Variants in PRKN observed in about 807,000 individuals in gnomAD.
PRKN encodes the protein E3 ubiquitin-protein ligase parkin.
PRKN carries 56 observed loss-of-function variants against 59.5 expected under a neutral mutation model. The ratio of observed to expected loss-of-function variants is 0.94; its 90% CI spans 0.76 to 1.18. The LOEUF (loss-of-function observed/expected upper bound fraction) is 1.18. Ranked by LOEUF, PRKN falls within the 50% of genes most tolerant of loss-of-function variation. The probability of loss-of-function intolerance (pLI) is 0.00; values close to 1 mark genes in which losing one functional copy is unlikely to be tolerated. For missense variants in PRKN, 657 were observed against 596.4 expected, an observed-to-expected ratio of 1.10 and a Z score of -1.06; for synonymous variants, 250 against 222.1, an observed-to-expected ratio of 1.13 and a Z score of -1.12.
Position 162,726,346 on chromosome 6 carries a change from G to C in PRKN, c.7+1316C>G, listed in dbSNP as rs886632309. Among the ~76,000 whole-genome samples the C allele has an allele frequency of 3.3e-5, 5 of 152,208 alleles. No homozygotes were observed. The East Asian group carries it at 9.6e-4, about 29-fold the overall frequency. On this transcript the variant is annotated intron_variant, in intron 1 of 11. Coordinates refer to ENST00000366898, the MANE Select transcript of PRKN (RefSeq NM_004562.3). The stretch of plus-strand genomic sequence containing the variant: ...AGATATTGGAAAATCTCTTCTACTT[G>C]GTTTTCTGATTCAGTTCAAACTTGT...
chr6:162,376,859 A>G (rs1185118063), intron 2 of PRKN, among the ~76,000 whole-genome samples: 34 of 49,904 alleles, frequency 6.8e-4, no homozygotes, highest in East Asian at 1.4e-3. Flanking sequence ...GGGGGAGGGG[A>G]AAGGGGGAGG....
At chr6:161,808,398 A>G (rs1791423281) in intron 6 of PRKN, among the ~76,000 whole-genome samples, 1 of 152,222 alleles carries the variant, frequency 6.6e-6, no homozygotes, top group South Asian at 2.1e-4. Flanking sequence ...TAAGTTGCTT[A>G]ACTGAACACT....
intron 1 of PRKN, among the ~76,000 whole-genome samples, chr6:162,668,524 C>T (rs1452717683): frequency 5.9e-5 from 8 of 134,670 alleles, no homozygotes; most frequent in African/African-American, 2.3e-4. Flanking sequence ...AGAGATGAGA[C>T]GATGAGGACA....
At chr6:161,813,921 A>T (rs1190619035) in intron 6 of PRKN, among the ~76,000 whole-genome samples, 1 of 152,232 alleles carries the variant, frequency 6.6e-6, no homozygotes, top group Non-Finnish European at 1.5e-5. Context: ...TCATTAAAGC[A>T]TCTAGAATTA....
intron 6 of PRKN, among the ~76,000 whole-genome samples, chr6:161,825,178 G>A (rs942613592): frequency 6.6e-6 from 1 of 151,960 alleles, no homozygotes; most frequent in Non-Finnish European, 1.5e-5. Context: ...AGAGGCATAT[G>A]ACCAAAAATC....
rs201215166 is a variant in PRKN at position 161,371,550 on chromosome 6, T to TA, written c.1168-11346dup. On this transcript the variant is annotated intron_variant, in intron 10 of 11. Transcript: ENST00000366898. The surrounding 1 kb of genome is among the most constrained non-coding windows in gnomAD (Gnocchi z 5.5). ...CCAAGGGCTCCGGGGAATACAAGGC[T>TA]ACACTGTAAGCAATACAAGGCTACT... Among the ~76,000 whole-genome samples, 48 of 152,240 alleles carry TA rather than the reference T, an allele frequency of 3.2e-4. No homozygotes were observed. The East Asian group carries it at 9.1e-3, about 29-fold the overall frequency.
chr6:161,876,916 TA>T (rs1307934504), intron 6 of PRKN, among the ~76,000 whole-genome samples: 1 of 152,152 alleles, frequency 6.6e-6, no homozygotes, highest in Admixed American at 6.6e-5. Context: ...TCAAGTCTAT[TA>T]AAATTTAATT....
At chr6:161,675,286 T>C (rs565896147) in intron 7 of PRKN, among the ~76,000 whole-genome samples, 3 of 152,250 alleles carry the variant, frequency 2.0e-5, no homozygotes, top group Admixed American at 6.5e-5. Context: ...TGGGCTGCGG[T>C]AGTTGAAGAT....
chr6:161,975,113 G>A (rs995871270), intron 5 of PRKN, among the ~76,000 whole-genome samples: 15 of 136,480 alleles, frequency 1.1e-4, no homozygotes, highest in African/African-American at 3.1e-4. Context: ...TTTTTGAGAC[G>A]GAGTCTCTGC....
At chr6:161,931,904 C>A (rs1779181677) in intron 6 of PRKN, among the ~76,000 whole-genome samples, 1 of 152,130 alleles carries the variant, frequency 6.6e-6, no homozygotes, top group Non-Finnish European at 1.5e-5. Context: ...GATTTAATTT[C>A]TTACCGATTA....
At chr6:161,482,169 TAAA>T (rs986763701) in intron 9 of PRKN, among the ~76,000 whole-genome samples, 2 of 152,124 alleles carry the variant, frequency 1.3e-5, no homozygotes, top group African/African-American at 4.8e-5. Context: ...ATAGATAACA[TAAA>T]AACAAGAATA....
intron 3 of PRKN, among the ~76,000 whole-genome samples, chr6:162,207,319 C>A (rs566398486): frequency 6.6e-6 from 1 of 152,204 alleles, no homozygotes; most frequent in Admixed American, 6.5e-5. Flanking sequence ...CTGAAGTGAG[C>A]TGAGATCCCA....
rs370443407 is a variant in PRKN at position 161,430,546 on chromosome 6, T to C, written c.1084-43669A>G. ...GAAATACTGAATGGGCCGGGCGTGG[T>C]GGCTCACGCCTGTAATCCAAGCACT... On this transcript the variant is annotated intron_variant, in intron 9 of 11. Transcript: ENST00000366898. Among the ~76,000 whole-genome samples, 49 of 152,256 alleles carry C rather than the reference T, an allele frequency of 3.2e-4. No homozygotes were observed. The East Asian group carries it at 8.7e-3, about 27-fold the overall frequency.
At chr6:162,262,345 G>A in intron 3 of PRKN, 180 bp downstream of exon 3, 3 of 754,190 alleles carry the variant, frequency 4.0e-6, no homozygotes, top group Non-Finnish European at 7.1e-6. Context: ...TACAATAAAT[G>A]CATTCTCAAA....
At chr6:162,613,585 T>C (rs1472221119) in intron 1 of PRKN, among the ~76,000 whole-genome samples, 1 of 152,170 alleles carries the variant, frequency 6.6e-6, no homozygotes, top group Non-Finnish European at 1.5e-5. Context: ...AGCTTGAAGA[T>C]AAATAACTCA....
intron 1 of PRKN, among the ~76,000 whole-genome samples, chr6:162,659,873 A>G (rs1201800282): frequency 1.3e-5 from 2 of 152,182 alleles, no homozygotes; most frequent in Admixed American, 1.3e-4. Flanking sequence ...ATGCATTGCT[A>G]CTGCTTGGAC....
At chr6:162,561,738 T>G (rs985768539) in intron 1 of PRKN, among the ~76,000 whole-genome samples, 1 of 152,158 alleles carries the variant, frequency 6.6e-6, no homozygotes, top group African/African-American at 2.4e-5. Context: ...CAAACTCAGC[T>G]GATGCCTGCC....
intron 3 of PRKN, among the ~76,000 whole-genome samples, chr6:162,254,721 A>G (rs528338625): frequency 2.6e-5 from 4 of 152,168 alleles, no homozygotes; most frequent in South Asian, 4.2e-4. Context: ...CCTGTGACCT[A>G]TATCTGTGAC....
intron 1 of PRKN, among the ~76,000 whole-genome samples, chr6:162,718,876 T>A (rs1245999621): frequency 6.6e-6 from 1 of 152,120 alleles, no homozygotes; most frequent in Non-Finnish European, 1.5e-5. Flanking sequence ...TTCTTTGAAA[T>A]CAAGATGATA....
Sources: gnomAD v4.1 joint callset for allele counts (sites outside exome capture counted in the v4.1 genomes callset) on GRCh38, gnomAD v4.1.1 for gene constraint, Gnocchi (gnomAD v3.1) non-coding constraint, MANE v1.5 for transcripts, NCBI Gene and HGNC (gene_info 2026-07-23, HGNC 2026-07-21) for gene names.